The following ENKUR variants were observed in gnomAD, a reference collection of about 807,000 sequenced individuals.
ENKUR encodes enkurin, TRPC channel interacting protein.
In ENKUR, 19 loss-of-function variants were observed where a neutral mutation model predicts 27.6. The observed-to-expected ratio is 0.69, with a 90% CI of 0.48 to 1.01. ENKUR has a LOEUF of 1.01. Among genes scored for constraint, ENKUR ranks in the 50% least tolerant of loss-of-function variants. The pLI is 0.00. For missense variants in ENKUR, 312 were observed against 310.5 expected (o/e 1.00, Z -0.04); for synonymous variants, 117 against 96.9 (o/e 1.21, Z -1.22).
At chr10:25,000,269 T>A (rs1043821762) in intron 1 of ENKUR, among the ~76,000 whole-genome samples, 17 of 152,190 alleles carry the variant, frequency 1.1e-4, no homozygotes, top group African/African-American at 4.1e-4. Context: ...AAATGTTCTG[T>A]ATACACTTGA....
chr10:25,045,136 G>T (rs2130476999), intron 2 of ENKUR, among the ~76,000 whole-genome samples: 1 of 152,200 alleles, frequency 6.6e-6, no homozygotes, highest in Non-Finnish European at 1.5e-5. Context: ...TTTATTCATG[G>T]TCCATTACCT....
At chr10:25,041,999 CA>C (rs1851069730) in intron 2 of ENKUR, among the ~76,000 whole-genome samples, 1 of 151,998 alleles carries the variant, frequency 6.6e-6, no homozygotes, top group Non-Finnish European at 1.5e-5. Context: ...AGTTGATTGA[CA>C]AAATTGAATG....
At chr10:25,013,914 C>A (rs1850506495) in intron 1 of ENKUR, among the ~76,000 whole-genome samples, 1 of 151,528 alleles carries the variant, frequency 6.6e-6, no homozygotes, top group Admixed American at 6.6e-5. Flanking sequence ...TGCACTCCAG[C>A]CTGGGCAAAA....
intron 2 of ENKUR, chr10:25,024,742 C>T (rs1344422574): frequency 6.2e-7 from 1 of 1,614,104 alleles, no homozygotes; most frequent in Non-Finnish European, 8.5e-7. Context: ...TGTCTGTATT[C>T]CCACAGGAAA....
At chr10:24,991,864 C>A (rs1849936448) in intron 3 of ENKUR, among the ~76,000 whole-genome samples, 1 of 152,192 alleles carries the variant, frequency 6.6e-6, no homozygotes, top group Admixed American at 6.5e-5. Context: ...GTAACACACG[C>A]CCACTGCGGC....
At chr10:25,054,513 C>CTTTCTTTCTTTCCTTTCTTT (rs1554774507) in intron 2 of ENKUR, among the ~76,000 whole-genome samples, 1 of 71,288 alleles carries the variant, frequency 1.4e-5, no homozygotes, top group Non-Finnish European at 2.8e-5. Flanking sequence ...TTCTTTCTTT[C>CTTTCTTTCTTTCCTTTCTTT]CTTTCTTTCT....
At chr10:25,020,239 TATATC>T (rs1051283570), upstream of ENKUR, among the ~76,000 whole-genome samples, 3 of 66,318 alleles carry the variant, frequency 4.5e-5, no homozygotes, top group African/African-American at 9.6e-5. Flanking sequence ...TTCTTTAAAA[TATATC>T]TATATCTATA....
At position 25,038,278 on chromosome 10, in the gene ENKUR, C is replaced by T. The variant is rs191933652; in HGVS notation, c.37+22834G>A. 3.0e-3 allele frequency among the ~76,000 whole-genome samples: 458 copies of T among 152,238 alleles called. 5 individuals are homozygous for T. The highest frequency in any genetic ancestry group is 8.4e-3 in the African/African-American group (350 of 41,540). ...GTCTGATAACTGTCTGAAAGATTTC[C>T]GTGAAATTTACACTTTAAGTAGACA... is the stretch of plus-strand genomic sequence containing the variant. On this transcript the variant is annotated intron_variant, in intron 2 of 5. Coordinates refer to the ENKUR transcript ENST00000615958.
At chr10:25,010,222 C>A (rs1004047361) in intron 1 of ENKUR, among the ~76,000 whole-genome samples, 3 of 152,122 alleles carry the variant, frequency 2.0e-5, no homozygotes, top group Admixed American at 6.6e-5. Context: ...TTGTTGAGAA[C>A]TGGAATAAAG....
chr10:25,059,977 G>A (rs1411306687), intron 2 of ENKUR, among the ~76,000 whole-genome samples: 1 of 152,194 alleles, frequency 6.6e-6, no homozygotes, highest in Non-Finnish European at 1.5e-5. Context: ...TGCGTTCTGT[G>A]GGGTTGGGAG....
intron 2 of ENKUR, among the ~76,000 whole-genome samples, chr10:25,033,789 T>C (rs1850963809): frequency 6.6e-6 from 1 of 151,900 alleles, no homozygotes; most frequent in African/African-American, 2.4e-5. Flanking sequence ...TGGCCTGAAC[T>C]GTGTTTAGTA....
At chr10:25,031,243 G>T (rs1034511354) in intron 2 of ENKUR, among the ~76,000 whole-genome samples, 18 of 152,190 alleles carry the variant, frequency 1.2e-4, no homozygotes, top group African/African-American at 4.3e-4. Context: ...GGCTGATCTT[G>T]TGACTTGCTT....
At position 24,999,527 on chromosome 10, in the gene ENKUR, C is replaced by A. The variant is rs528697210; in HGVS notation, c.97G>T (p.Ala33Ser). ...QPPRYISIFK[A>S]TVKDDMQKAK... ...TTTTGCATGTCATCTTTTACAGTTG[C>A]CTTAAAAATGGATATGTACCTAAAA... Residue 33 changes from alanine to serine, a missense_variant, in exon 2 of 6, where the codon GCA becomes TCA. Transcript: ENST00000331161. 15 of 1,608,974 alleles carry A rather than the reference C, an allele frequency of 9.3e-6. No homozygotes were observed. Among genetic ancestry groups the A allele is most frequent in the Middle Eastern group, 1.7e-4 (1 of 6,022 alleles).
chr10:25,023,215 G>A lies in ENKUR; in HGVS notation c.38-27346C>T, dbSNP rs547086106. On this transcript the variant is annotated intron_variant, in intron 2 of 5. Transcript: ENST00000615958. ...TTTAGGTTGGCTTGGGCAGAAAAGT[G>A]AAAAGAGAATGCTCCACTTTAACCG... 11 of 1,598,112 alleles carry A rather than the reference G, an allele frequency of 6.9e-6. No individual in the cohort carries two copies. In the South Asian group the frequency reaches 1.1e-4, roughly 16 times the overall value.
intron 2 of ENKUR, among the ~76,000 whole-genome samples, chr10:25,037,262 A>AAATTAAG: frequency 6.6e-6 from 1 of 152,320 alleles, no homozygotes; most frequent in Non-Finnish European, 1.5e-5. Context: ...AGTGATGGAG[A>AAATTAAG]AATTAAGACT....
rs531231769 is a variant in ENKUR at position 24,994,221 on chromosome 10, ATCTCTCTTCCTTTTTCTTTATC to A, written c.447+1403_447+1424del. 2.9e-3 allele frequency among the ~76,000 whole-genome samples: 429 copies of A among 148,878 alleles called. 1 individual carries two copies. The highest frequency in any genetic ancestry group is 4.1e-3 in the Non-Finnish European group (272 of 67,000). ...TGCAATTTCTTTTCTTTTTTTCTTT[ATCTCTCTTCCTTTTTCTTTATC>A]TCTCTCTTCCTTTTTCCTTCCTTCC... On this transcript the variant is annotated intron_variant, in intron 3 of 5. Transcript: ENST00000331161.
chr10:25,013,319 A>G (rs1041672785), intron 1 of ENKUR, among the ~76,000 whole-genome samples: 1 of 152,262 alleles, frequency 6.6e-6, no homozygotes, highest in African/African-American at 2.4e-5. Flanking sequence ...CACAAAAAGA[A>G]TGGTTAACAG....
In ENKUR at chr10:25,023,343, G is replaced by A. The variant is rs539175542; in HGVS notation, c.38-27474C>T. 5.6e-6 allele frequency: 9 copies of A among 1,614,106 alleles called. No individual in the cohort carries two copies. In the East Asian group the frequency reaches 6.7e-5, roughly 12 times the overall value. On this transcript the variant is annotated intron_variant, in intron 2 of 5. Transcript: ENST00000615958. The stretch of plus-strand genomic sequence containing the variant: ...TTCTTTCAAGAACCTTTGCACTTGC[G>A]GAATTGAGGAAGTCATGGTATTCAA...
upstream of ENKUR, among the ~76,000 whole-genome samples, chr10:25,018,415 T>G (rs1488058092): frequency 6.6e-6 from 1 of 152,252 alleles, no homozygotes; most frequent in Non-Finnish European, 1.5e-5. Flanking sequence ...AGTAAATATT[T>G]CAGGCCTTTT....
Sources: gnomAD v4.1 joint callset for allele counts (sites outside exome capture counted in the v4.1 genomes callset) on GRCh38, gnomAD v4.1.1 for gene constraint, MANE v1.5 for transcripts, NCBI Gene and HGNC (gene_info 2026-07-23, HGNC 2026-07-21) for gene names.